SYT10: variants seen among roughly 807,000 people sequenced by gnomAD.
The protein encoded by SYT10 is synaptotagmin-10.
SYT10 carries 31 observed loss-of-function variants against 51.1 expected under a neutral mutation model. That is an observed-to-expected ratio of 0.61 (90% CI 0.46 to 0.82). The LOEUF (loss-of-function observed/expected upper bound fraction) is 0.82. SYT10 is among the 40% of genes least tolerant of loss of function. The pLI, the probability that SYT10 is intolerant of heterozygous loss-of-function variation, is 0.00. For synonymous variants in SYT10, 233 were observed against 225.9 expected (o/e 1.03, Z -0.28); for missense variants, 603 against 634.0 (o/e 0.95, Z 0.53).
chr12:33,421,919 G>T (rs1043118309), intron 2 of SYT10, among the ~76,000 whole-genome samples: 1 of 152,092 alleles, frequency 6.6e-6, no homozygotes, highest in African/African-American at 2.4e-5. Context: ...AAGAGAGTCA[G>T]ATCTTTAGGA....
chr12:33,387,482 A>C (rs571219570), intron 3 of SYT10, among the ~76,000 whole-genome samples: 27 of 152,350 alleles, frequency 1.8e-4, no homozygotes, highest in African/African-American at 5.8e-4. Flanking sequence ...TTGCTAGCAC[A>C]TACAGCAGTG....
At chr12:33,428,634 C>A (rs1240706016) in intron 1 of SYT10, among the ~76,000 whole-genome samples, 1 of 152,058 alleles carries the variant, frequency 6.6e-6, no homozygotes, top group Non-Finnish European at 1.5e-5. Context: ...CGGCCAGGCG[C>A]GGTGGCTCCC....
intron 1 of SYT10, among the ~76,000 whole-genome samples, chr12:33,431,230 T>C (rs1866594362): frequency 6.6e-6 from 1 of 152,176 alleles, no homozygotes; most frequent in Admixed American, 6.5e-5. Context: ...ACATCATTGC[T>C]AACTTCCCAA....
intron 3 of SYT10, among the ~76,000 whole-genome samples, chr12:33,402,044 T>G (rs531856016): frequency 6.6e-6 from 1 of 152,194 alleles, no homozygotes; most frequent in Non-Finnish European, 1.5e-5. Context: ...CCAGCCTCAA[T>G]AGGCTTTGTC....
At chr12:33,410,838 GA>G (rs956408229) in intron 2 of SYT10, among the ~76,000 whole-genome samples, 7 of 152,012 alleles carry the variant, frequency 4.6e-5, no homozygotes, top group African/African-American at 9.7e-5. Context: ...TAAAAGATGG[GA>G]AAAAATACAG....
intron 1 of SYT10, among the ~76,000 whole-genome samples, chr12:33,429,973 A>C (rs899537002): frequency 2.0e-5 from 3 of 152,164 alleles, no homozygotes; most frequent in African/African-American, 7.2e-5. Flanking sequence ...CAACGGGCAA[A>C]CTTGATGACT....
intron 2 of SYT10, among the ~76,000 whole-genome samples, chr12:33,412,999 G>A (rs959210163): frequency 7.9e-5 from 12 of 152,208 alleles, no homozygotes; most frequent in Admixed American, 1.3e-4. Context: ...TGACCTGATG[G>A]AGCTGAAAAC....
intron 1 of SYT10, among the ~76,000 whole-genome samples, chr12:33,438,299 A>G (rs1229490347): frequency 6.6e-6 from 1 of 152,190 alleles, no homozygotes; most frequent in African/African-American, 2.4e-5. Flanking sequence ...AAAGGGAAAG[A>G]ACCTAGAGAA....
At chr12:33,421,071 T>G (rs1030861780) in intron 2 of SYT10, among the ~76,000 whole-genome samples, 1 of 152,192 alleles carries the variant, frequency 6.6e-6, no homozygotes, top group African/African-American at 2.4e-5. Context: ...GAAATTTAAT[T>G]TTTTAAAAAC....
At chr12:33,395,741 A>T (rs1294092374) in intron 3 of SYT10, among the ~76,000 whole-genome samples, 1 of 152,220 alleles carries the variant, frequency 6.6e-6, no homozygotes, top group Admixed American at 6.5e-5. Flanking sequence ...ATAAGTTTTA[A>T]AGGCCTTATG....
chr12:33,435,844 T>C (rs1866633764), intron 1 of SYT10, among the ~76,000 whole-genome samples: 1 of 152,196 alleles, frequency 6.6e-6, no homozygotes. Flanking sequence ...TTAAGTACTT[T>C]AATAAAATTA....
At chr12:33,436,679 A>G (rs187497347) in intron 1 of SYT10, among the ~76,000 whole-genome samples, 9 of 152,222 alleles carry the variant, frequency 5.9e-5, no homozygotes, top group African/African-American at 2.2e-4. Context: ...TATCTTACAT[A>G]TATACATGAT....
chr12:33,420,350 C>T (rs1176134216), intron 2 of SYT10, among the ~76,000 whole-genome samples: 1 of 152,076 alleles, frequency 6.6e-6, no homozygotes, highest in African/African-American at 2.4e-5. Context: ...CCTAAGATTC[C>T]TGTGACTAAT....
At chr12:33,433,654 T>C (rs1484851097) in intron 1 of SYT10, among the ~76,000 whole-genome samples, 3 of 152,178 alleles carry the variant, frequency 2.0e-5, no homozygotes, top group East Asian at 3.8e-4. Context: ...CATGTGTGCA[T>C]AGTCAAGTAA....
intron 2 of SYT10, among the ~76,000 whole-genome samples, chr12:33,416,598 T>C (rs550319327): frequency 2.3e-4 from 35 of 152,314 alleles, no homozygotes; most frequent in Non-Finnish European, 4.3e-4. Flanking sequence ...CTTTGGCCTC[T>C]AGGTTCAATG....
chr12:33,400,749 G>T (rs1162374861), intron 3 of SYT10, among the ~76,000 whole-genome samples: 7 of 152,160 alleles, frequency 4.6e-5, no homozygotes, highest in African/African-American at 1.7e-4. Context: ...GTCTTGGTCA[G>T]GTGTGGTGGC....
intron 2 of SYT10, among the ~76,000 whole-genome samples, chr12:33,414,750 TAAC>T: frequency 6.6e-6 from 1 of 152,300 alleles, no homozygotes; most frequent in South Asian, 2.1e-4. Context: ...ATTGACACCC[TAAC>T]ATCACCATCT....
rs1386314384 is a variant in SYT10, at chr12:33,407,062, G to A, written c.804C>T (p.Asp268=). 2.5e-6 allele frequency: 4 copies of A among 1,614,140 alleles called. No homozygotes were observed. Among genetic ancestry groups the A allele is most frequent in the Admixed American group, 3.3e-5 (2 of 60,012 alleles). ...GAAGAAGATACATCTTCACATAAGG[G>A]TCAGAAGTTCCTGTGAAGTCTTTAG... ...LPAKDFTGTS[D]PYVKMYLLPD... Residue 268 remains aspartate, a synonymous_variant, in exon 3 of 7, where the codon GAC becomes GAT. Transcript: ENST00000228567.
chr12:33,439,108 G>A (rs570458181), intron 1 of SYT10, among the ~76,000 whole-genome samples: 1 of 152,366 alleles, frequency 6.6e-6, no homozygotes, highest in Non-Finnish European at 1.5e-5. Context: ...GCGCGGCGAG[G>A]CTGGGAGCGG....
Sources: allele counts gnomAD v4.1 joint callset (sites outside exome capture counted in the v4.1 genomes callset), GRCh38; gene constraint gnomAD v4.1.1; transcripts MANE v1.5; gene names NCBI Gene and HGNC (gene_info 2026-07-23, HGNC 2026-07-21).